SLC4A4: variants seen among roughly 807,000 people sequenced by gnomAD.
SLC4A4 encodes the protein solute carrier family 4 member 4, also known as electrogenic sodium bicarbonate cotransporter 1.
A neutral mutation model predicts 111.5 loss-of-function variants in SLC4A4; 27 were observed. That is an observed-to-expected ratio of 0.24 (90% confidence interval 0.18 to 0.33). The LOEUF (loss-of-function observed/expected upper bound fraction) is 0.33. SLC4A4 is among the 10% of genes least tolerant of loss of function. The pLI, the probability that SLC4A4 is intolerant of heterozygous loss-of-function variation, is 1.00. For missense variants in SLC4A4, 909 were observed against 1,315.5 expected (o/e 0.69, Z 4.78); for synonymous variants, 443 against 463.4 (o/e 0.96, Z 0.57).
At chr4:71,489,101 A>T (rs748451041) in intron 15 of SLC4A4, among the ~76,000 whole-genome samples, 1 of 151,746 alleles carries the variant, frequency 6.6e-6, no homozygotes, top group African/African-American at 2.4e-5. Flanking sequence ...TGAGGCACCT[A>T]CTAGGTGCCA....
chr4:71,310,638 A>AT (rs1429451367), intron 3 of SLC4A4, among the ~76,000 whole-genome samples: 2 of 152,180 alleles, frequency 1.3e-5, no homozygotes, highest in Non-Finnish European at 2.9e-5. Context: ...ATGCTGAGGG[A>AT]TTTTGTCACC....
intron 3 of SLC4A4, among the ~76,000 whole-genome samples, chr4:71,327,131 A>AT (rs1232873947): frequency 6.6e-6 from 1 of 151,866 alleles, no homozygotes; most frequent in South Asian, 2.1e-4. Context: ...TATTAAAGCA[A>AT]TTTTTTTGGA....
intron 11 of SLC4A4, among the ~76,000 whole-genome samples, 173 bp from the exon 12 acceptor site, chr4:71,453,322 A>G (rs1312486760): frequency 1.3e-5 from 2 of 152,190 alleles, no homozygotes; most frequent in African/African-American, 2.4e-5. Context: ...AAAGAGATAG[A>G]AGAAAATTTA....
chr4:71,512,095 T>C (rs1731982155), intron 16 of SLC4A4, among the ~76,000 whole-genome samples: 1 of 152,186 alleles, frequency 6.6e-6, no homozygotes, highest in Non-Finnish European at 1.5e-5. Flanking sequence ...GCAGATTTCC[T>C]ATCCCTTTGA....
chr4:71,304,308 C>G (rs987378498), intron 3 of SLC4A4, among the ~76,000 whole-genome samples: 2 of 152,198 alleles, frequency 1.3e-5, no homozygotes, highest in Admixed American at 1.3e-4. Context: ...CATTCTGAAT[C>G]CAAAAGCCTG....
At chr4:71,457,349 G>A (rs567264241) in intron 12 of SLC4A4, among the ~76,000 whole-genome samples, 10 of 152,248 alleles carry the variant, frequency 6.6e-5, no homozygotes, top group East Asian at 1.9e-4. Flanking sequence ...CTAGCTTGGC[G>A]TACACATTTT....
chr4:71,544,979 A>G (rs1279732950), intron 18 of SLC4A4, among the ~76,000 whole-genome samples: 3 of 151,978 alleles, frequency 2.0e-5, no homozygotes, highest in Non-Finnish European at 4.4e-5. Flanking sequence ...ATATCATGGT[A>G]TTCACCTCAC....
At chr4:71,512,127 G>A (rs1005364741) in intron 16 of SLC4A4, among the ~76,000 whole-genome samples, 8 of 151,976 alleles carry the variant, frequency 5.3e-5, no homozygotes, top group African/African-American at 9.7e-5. Flanking sequence ...CCTTTCCTTC[G>A]GGTAGATTCC....
chr4:71,506,246 A>C (rs542691533), intron 16 of SLC4A4, among the ~76,000 whole-genome samples: 1 of 152,294 alleles, frequency 6.6e-6, no homozygotes, highest in South Asian at 2.1e-4. Context: ...TTTACCTGGA[A>C]TAGCATTAGA....
intron 7 of SLC4A4, among the ~76,000 whole-genome samples, chr4:71,408,805 T>C (rs1459521421): frequency 6.6e-6 from 1 of 152,238 alleles, no homozygotes; most frequent in African/African-American, 2.4e-5. Flanking sequence ...CTAGTACTTA[T>C]TATTTTCATC....
rs1207020977 is a variant in SLC4A4 at position 71,570,824 on chromosome 4, T to TA, written c.*3074dup. ...TTTCCTTGATAAAAGTCATCTTCTCTACTGTGTGAAATGAATACTTGGAAT... is the reference window on the plus strand; with the variant it reads ...TTTCCTTGATAAAAGTCATCTTCTCTAACTGTGTGAAATGAATACTTGGAAT... On this transcript the variant is annotated 3_prime_UTR_variant, in exon 26 of 26. Coordinates refer to ENST00000264485, the MANE Select transcript of SLC4A4 (RefSeq NM_001098484.3). 1 of 151,838 alleles carries TA rather than the reference T, an allele frequency of 6.6e-6. No individual in the cohort carries two copies. The highest frequency in any genetic ancestry group is 2.4e-5 in the African/African-American group (1 of 41,384). The allele number at this position is 151,838 out of a possible 1,614,324, so 9.4% of individuals were successfully genotyped here.
At chr4:71,223,075 T>C (rs1718842602) in intron 1 of SLC4A4, among the ~76,000 whole-genome samples, 1 of 152,210 alleles carries the variant, frequency 6.6e-6, no homozygotes, top group South Asian at 2.1e-4. Context: ...CTGTATACTC[T>C]TTAATTATTC....
chr4:71,130,732 T>A (rs1743679374), intron 2 of SLC4A4, among the ~76,000 whole-genome samples: 1 of 152,242 alleles, frequency 6.6e-6, no homozygotes, highest in Non-Finnish European at 1.5e-5. Context: ...TTGCAGCTTC[T>A]CAAAGGCAAA....
chr4:71,120,935 C>T (rs374511473), intron 2 of SLC4A4, among the ~76,000 whole-genome samples: 4 of 152,154 alleles, frequency 2.6e-5, no homozygotes, highest in East Asian at 1.9e-4. Flanking sequence ...GAGGGAGAGG[C>T]GCCGGCAGGA....
intron 12 of SLC4A4, among the ~76,000 whole-genome samples, chr4:71,454,618 A>G (rs113049387): frequency 1.2e-4 from 19 of 152,122 alleles, no homozygotes; most frequent in African/African-American, 3.9e-4. Flanking sequence ...TCCTGGGCAC[A>G]TGCATATTTT....
At chr4:71,143,109 A>C (rs11732632) in intron 2 of SLC4A4, among the ~76,000 whole-genome samples, 114,018 of 150,976 alleles carry the variant, frequency 0.76, 44,165 homozygotes, top group Admixed American at 0.85. Flanking sequence ...TCCCCCCACC[A>C]TGCAACCATC....
At chr4:71,101,695 C>A (rs1040326933) in intron 2 of SLC4A4, among the ~76,000 whole-genome samples, 1 of 152,120 alleles carries the variant, frequency 6.6e-6, no homozygotes, top group African/African-American at 2.4e-5. Context: ...TTCCAACAGA[C>A]CTGCAGCTGA....
At chr4:71,181,397 G>A (rs1010247828) in intron 2 of SLC4A4, among the ~76,000 whole-genome samples, 1 of 152,092 alleles carries the variant, frequency 6.6e-6, no homozygotes, top group South Asian at 2.1e-4. Context: ...GAATGATTCA[G>A]TGATAAGTCT....
rs554787498 is a variant in SLC4A4 at position 71,558,295 on chromosome 4, A to G, written c.2937+410A>G. Among the ~76,000 whole-genome samples the G allele has an allele frequency of 2.0e-5, 3 of 152,090 alleles. No homozygotes were observed. In the South Asian group the frequency reaches 6.2e-4, roughly 31 times the overall value. On this transcript the variant is annotated intron_variant, in intron 22 of 25. Coordinates refer to ENST00000264485, the MANE Select transcript of SLC4A4 (RefSeq NM_001098484.3). ...GAATTAATCTAAGTAAGAGTGTAGG[A>G]CATTTCAGTTCAAGTAATAAAGAAG...
Sources: gnomAD v4.1 joint callset for allele counts (sites outside exome capture counted in the v4.1 genomes callset) on GRCh38, gnomAD v4.1.1 for gene constraint, MANE v1.5 for transcripts, NCBI Gene and HGNC (gene_info 2026-07-23, HGNC 2026-07-21) for gene names.